The following TEX36 variants were observed in gnomAD, a reference collection of about 807,000 sequenced individuals.
TEX36 encodes the protein testis expressed 36.
Under a neutral mutation model 13.6 loss-of-function variants are expected in TEX36, and 12 were observed. The observed-to-expected ratio is 0.88, with a 90% CI of 0.56 to 1.43. The LOEUF (loss-of-function observed/expected upper bound fraction) is 1.43, where lower values mean the gene tolerates loss of function less well. Ranked by LOEUF, TEX36 falls within the 40% of genes most tolerant of loss-of-function variation. TEX36 has a pLI of 0.00. For synonymous variants in TEX36, 93 were observed against 83.0 expected (o/e 1.12, Z -0.65); for missense variants, 224 against 228.3 (o/e 0.98, Z 0.12).
intron 1 of TEX36, among the ~76,000 whole-genome samples, chr10:125,675,363 C>T (rs1164199401): frequency 4.0e-5 from 6 of 151,806 alleles, no homozygotes; most frequent in Non-Finnish European, 1.5e-5. Context: ...ACAGTGATGA[C>T]AGCTGCCCCT....
rs1846929550 is a variant in TEX36, at chr10:125,655,734, G to A, written c.*166C>T. 1 of 1,329,060 alleles carries A rather than the reference G, an allele frequency of 7.5e-7. No homozygotes were observed. The highest frequency in any genetic ancestry group is 2.3e-5 in the South Asian group (1 of 42,726). 82.3% of individuals were successfully genotyped at this position (1,329,060 alleles called of 1,614,324 possible). The stretch of plus-strand genomic sequence containing the variant: ...GAAAAGTTTATTTACACATGCGTAT[G>A]TCATCACAAATTCATTTCACAAGGA... On this transcript the variant is annotated 3_prime_UTR_variant, in exon 4 of 4. Coordinates refer to ENST00000368821, the MANE Select transcript of TEX36 (RefSeq NM_001128202.3).
chr10:125,661,568 G>A (rs1177918659), intron 2 of TEX36, among the ~76,000 whole-genome samples: 2 of 152,134 alleles, frequency 1.3e-5, no homozygotes, highest in Non-Finnish European at 2.9e-5. Context: ...TCAGGAATTG[G>A]CCGGGGAGGC....
intron 3 of TEX36, among the ~76,000 whole-genome samples, chr10:125,598,567 G>A (rs892219485): frequency 5.7e-4 from 86 of 152,102 alleles, no homozygotes; most frequent in African/African-American, 1.9e-3. Context: ...TTGCCAAGCC[G>A]GCCTAATTTT....
rs112009909 is a variant in TEX36, at chr10:125,623,666, G to A, written c.265-2021C>T. Reference sequence around the variant, plus strand: ...GACAGGAAGGTGCGAGGCCCTGTACGGGACTGATGGGTAGGTCTGAAGAGA... The same window carrying A: ...GACAGGAAGGTGCGAGGCCCTGTACAGGACTGATGGGTAGGTCTGAAGAGA... On this transcript the variant is annotated intron_variant, in intron 3 of 3. Coordinates refer to the TEX36 transcript ENST00000526819. Among the ~76,000 whole-genome samples, 223 of 152,070 alleles carry A rather than the reference G, an allele frequency of 1.5e-3. 1 individual carries two copies. The highest frequency in any genetic ancestry group is 5.1e-3 in the African/African-American group (213 of 41,466).
At chr10:125,669,844 A>T (rs956492365) in intron 1 of TEX36, among the ~76,000 whole-genome samples, 2 of 152,130 alleles carry the variant, frequency 1.3e-5, no homozygotes, top group Non-Finnish European at 2.9e-5. Context: ...TGAGAACGTG[A>T]TAGTGTTTGG....
downstream of TEX36, among the ~76,000 whole-genome samples, chr10:125,655,371 G>A (rs966378274): frequency 2.6e-5 from 4 of 152,146 alleles, no homozygotes; most frequent in Non-Finnish European, 5.9e-5. Flanking sequence ...CTTGAACCCA[G>A]AAGGCAGAGG....
chr10:125,608,872 C>T (rs1846250990), intron 3 of TEX36, among the ~76,000 whole-genome samples: 1 of 150,682 alleles, frequency 6.6e-6, no homozygotes. Flanking sequence ...CGGTGGCTAA[C>T]ACCTGTAATC....
intron 3 of TEX36, among the ~76,000 whole-genome samples, chr10:125,613,947 C>T (rs1213614634): frequency 9.2e-5 from 14 of 152,248 alleles, no homozygotes; most frequent in Admixed American, 2.0e-4. Context: ...CACCTGTTGT[C>T]TCCTGACTTT....
intron 1 of TEX36, among the ~76,000 whole-genome samples, chr10:125,670,953 G>C (rs1847216504): frequency 6.6e-6 from 1 of 151,994 alleles, no homozygotes. Context: ...GTCTGTTTTT[G>C]TACTAGTATC....
intron 3 of TEX36, among the ~76,000 whole-genome samples, chr10:125,606,555 A>G (rs1846218273): frequency 6.6e-6 from 1 of 152,208 alleles, no homozygotes; most frequent in Non-Finnish European, 1.5e-5. Flanking sequence ...TGCTCTACCC[A>G]GTGCTGAGCC....
At chr10:125,665,020 G>A (rs1333226564) in intron 1 of TEX36, among the ~76,000 whole-genome samples, 1 of 152,088 alleles carries the variant, frequency 6.6e-6, no homozygotes, top group African/African-American at 2.4e-5. Context: ...GTCTTCTTTT[G>A]AGAAATGTCT....
intron 1 of TEX36, among the ~76,000 whole-genome samples, chr10:125,671,465 A>G (rs1430134230): frequency 6.6e-6 from 1 of 152,232 alleles, no homozygotes; most frequent in Admixed American, 6.5e-5. Flanking sequence ...CCAGCCTTGC[A>G]TCCTGGGGAT....
chr10:125,650,690 A>G (rs554701431), intron 3 of TEX36, among the ~76,000 whole-genome samples: 29 of 152,260 alleles, frequency 1.9e-4, no homozygotes, highest in Middle Eastern at 3.4e-3. Context: ...AAAACCCTTC[A>G]AAAAAATCAA....
chr10:125,669,474 T>C (rs9422925), intron 1 of TEX36, among the ~76,000 whole-genome samples: 2,599 of 151,632 alleles, frequency 0.017, 72 homozygotes, highest in African/African-American at 0.059. Context: ...GAGTGAAACT[T>C]TGTCTCAAAA....
intron 1 of TEX36, among the ~76,000 whole-genome samples, chr10:125,665,328 G>T (rs893234535): frequency 6.6e-6 from 1 of 152,006 alleles, no homozygotes; most frequent in Non-Finnish European, 1.5e-5. Context: ...CTAAACCAAG[G>T]TTCAGAAGAG....
At chr10:125,577,671 C>T (rs1009172300) in intron 3 of TEX36, among the ~76,000 whole-genome samples, 5 of 152,308 alleles carry the variant, frequency 3.3e-5, no homozygotes, top group African/African-American at 7.2e-5. Flanking sequence ...GGCACGTGTA[C>T]GTGTTTAATA....
At chr10:125,641,520 A>G (rs1219251107) in intron 3 of TEX36, among the ~76,000 whole-genome samples, 1 of 152,254 alleles carries the variant, frequency 6.6e-6, no homozygotes, top group Non-Finnish European at 1.5e-5. Flanking sequence ...TAGAATGGGT[A>G]CTAGACAGCC....
chr10:125,578,198 C>G (rs1468363615), intron 3 of TEX36: 1 of 152,190 alleles, frequency 6.6e-6, no homozygotes, highest in Non-Finnish European at 1.5e-5. Flanking sequence ...TCTAAAAGCA[C>G]TTTCTGCTTC....
chr10:125,576,958 C>A lies in TEX36; in HGVS notation c.265-84G>T, dbSNP rs1845832154. On this transcript the variant is annotated intron_variant, in intron 3 of 3. Transcript: ENST00000532135. ...TTCAGCAATCAGAGAGGAAAGGGGG[C>A]CTTATTCTCCCTGCCCAAGCTTTAA... 14 of 1,497,282 alleles carry A rather than the reference C, an allele frequency of 9.4e-6. No individual in the cohort carries two copies. The South Asian group carries it at 1.7e-4, about 18-fold the overall frequency. 92.7% of individuals were successfully genotyped at this position (1,497,282 alleles called of 1,614,324 possible).
Sources: allele counts gnomAD v4.1 joint callset (sites outside exome capture counted in the v4.1 genomes callset), GRCh38; gene constraint gnomAD v4.1.1; transcripts MANE v1.5; gene names NCBI Gene and HGNC (gene_info 2026-07-23, HGNC 2026-07-21).